The following PTPRD variants were observed in gnomAD, a reference collection of about 807,000 sequenced individuals.
The protein encoded by PTPRD is protein tyrosine phosphatase receptor type D, also known as receptor-type tyrosine-protein phosphatase delta.
In PTPRD, 34 loss-of-function variants were observed where a neutral mutation model predicts 214.5. That is an observed-to-expected ratio of 0.16 (90% CI 0.12 to 0.21). The LOEUF (loss-of-function observed/expected upper bound fraction) is 0.21, where lower values mean the gene tolerates loss of function less well. PTPRD is among the 10% of genes least tolerant of loss of function. PTPRD has a pLI of 1.00. For synonymous variants in PTPRD, 1,128 were observed against 845.7 expected, an observed-to-expected ratio of 1.33 and a Z score of -5.79; for missense variants, 2,545 against 2,398.7, an observed-to-expected ratio of 1.06 and a Z score of -1.27.
At chr9:10,583,594 C>T (rs1399097497) in intron 2 of PTPRD, among the ~76,000 whole-genome samples, 1 of 151,712 alleles carries the variant, frequency 6.6e-6, no homozygotes, top group Admixed American at 6.6e-5. Context: ...TGGGATACAG[C>T]AAGCCTCCTG....
intron 9 of PTPRD, among the ~76,000 whole-genome samples, chr9:9,333,504 T>TGTATATATATATATATATATA (rs1555249397): frequency 7.3e-6 from 1 of 137,248 alleles, no homozygotes; most frequent in African/African-American, 2.9e-5. Flanking sequence ...ATATAGTATA[T>TGTATATATATATATATATATA]TATATATATA....
At chr9:10,062,531 G>T (rs575876193) in intron 3 of PTPRD, among the ~76,000 whole-genome samples, 1 of 151,976 alleles carries the variant, frequency 6.6e-6, no homozygotes, top group South Asian at 2.1e-4. Context: ...ACTTAAACCC[G>T]CAAGGCAGAG....
At chr9:8,817,651 C>T (rs1022397635) in intron 11 of PTPRD, among the ~76,000 whole-genome samples, 3 of 151,944 alleles carry the variant, frequency 2.0e-5, no homozygotes, top group African/African-American at 7.2e-5. Context: ...TAAAATAAAA[C>T]AAAACAAAAC....
At chr9:10,390,269 C>G (rs1040404907) in intron 2 of PTPRD, among the ~76,000 whole-genome samples, 1 of 151,828 alleles carries the variant, frequency 6.6e-6, no homozygotes. Flanking sequence ...GTCTTAGACT[C>G]TGCCACACCC....
intron 3 of PTPRD, among the ~76,000 whole-genome samples, chr9:10,340,164 T>A (rs1391010324): frequency 6.6e-6 from 1 of 151,884 alleles, no homozygotes; most frequent in Non-Finnish European, 1.5e-5. Flanking sequence ...CATTCCACAT[T>A]ATCTGGACAA....
chr9:9,266,850 G>T (rs1555140569), intron 9 of PTPRD, among the ~76,000 whole-genome samples: 1 of 146,312 alleles, frequency 6.8e-6, no homozygotes, highest in South Asian at 2.1e-4. Context: ...CCTAAATGGA[G>T]AAAAAAAAAA....
intron 10 of PTPRD, among the ~76,000 whole-genome samples, chr9:9,138,968 C>T (rs546219019): frequency 6.6e-6 from 1 of 152,120 alleles, no homozygotes; most frequent in African/African-American, 2.4e-5. Flanking sequence ...TTACAGTAAT[C>T]TTCATTAAGG....
intron 2 of PTPRD, among the ~76,000 whole-genome samples, chr9:10,383,180 T>A (rs901767631): frequency 6.6e-6 from 1 of 151,914 alleles, no homozygotes; most frequent in Non-Finnish European, 1.5e-5. Context: ...TATTGGCTGT[T>A]AGGCATTATT....
intron 2 of PTPRD, among the ~76,000 whole-genome samples, chr9:10,495,751 AAC>A (rs2041859115): frequency 6.6e-6 from 1 of 151,862 alleles, no homozygotes; most frequent in Admixed American, 6.6e-5. Context: ...AATGCTAAGA[AAC>A]AACATGATTG....
chr9:9,198,590 T>G (rs753975073), intron 9 of PTPRD, among the ~76,000 whole-genome samples: 30 of 151,846 alleles, frequency 2.0e-4, no homozygotes, highest in Non-Finnish European at 3.5e-4. Flanking sequence ...TGACTTGGTT[T>G]GGAATTCCTG....
chr9:9,632,962 T>C (rs914218046), intron 7 of PTPRD, among the ~76,000 whole-genome samples: 6 of 151,968 alleles, frequency 3.9e-5, no homozygotes, highest in South Asian at 4.1e-4. Flanking sequence ...GGAAACATTA[T>C]AGCCAAATGG....
intron 2 of PTPRD, among the ~76,000 whole-genome samples, chr9:10,592,841 C>G (rs2075795772): frequency 6.6e-6 from 1 of 151,898 alleles, no homozygotes; most frequent in Admixed American, 6.6e-5. Context: ...ACTGACAGGA[C>G]AGAAACGGAA....
At chr9:8,875,262 A>T (rs1431963869) in intron 11 of PTPRD, among the ~76,000 whole-genome samples, 1 of 152,210 alleles carries the variant, frequency 6.6e-6, no homozygotes, top group Non-Finnish European at 1.5e-5. Flanking sequence ...GTGGTAGCCC[A>T]TGCCTATAAT....
At chr9:8,688,666 C>T (rs947970563) in intron 12 of PTPRD, among the ~76,000 whole-genome samples, 5 of 151,790 alleles carry the variant, frequency 3.3e-5, no homozygotes, top group East Asian at 1.9e-4. Flanking sequence ...TTAGTAAACA[C>T]GTATTCTTCA....
At chr9:8,599,298 G>C (rs985604951) in intron 14 of PTPRD, among the ~76,000 whole-genome samples, 4 of 152,056 alleles carry the variant, frequency 2.6e-5, no homozygotes, top group Admixed American at 2.0e-4. Flanking sequence ...GTCTTTATTA[G>C]CAGCGTGGGA....
intron 14 of PTPRD, among the ~76,000 whole-genome samples, chr9:8,577,271 T>C (rs1289605351): frequency 1.3e-5 from 2 of 152,028 alleles, no homozygotes; most frequent in Non-Finnish European, 2.9e-5. Context: ...TTATTTATTT[T>C]GAGATGGAGT....
At chr9:8,468,259 A>C (rs1226353541) in intron 31 of PTPRD, among the ~76,000 whole-genome samples, 2 of 151,990 alleles carry the variant, frequency 1.3e-5, no homozygotes, top group Admixed American at 6.6e-5. Context: ...TAAATGGTTC[A>C]AATGGGCTCA....
chr9:9,857,072 G>T (rs1051616113), intron 5 of PTPRD, among the ~76,000 whole-genome samples: 1 of 152,050 alleles, frequency 6.6e-6, no homozygotes, highest in African/African-American at 2.4e-5. Context: ...AGCTTTGTGC[G>T]GGCCCCGGGG....
chr9:9,484,686 A>G (rs755060308), intron 8 of PTPRD, among the ~76,000 whole-genome samples: 3 of 152,134 alleles, frequency 2.0e-5, no homozygotes, highest in Non-Finnish European at 4.4e-5. Context: ...CCATTTTTAG[A>G]TGAAAACTGA....
Sources: gnomAD v4.1 joint callset for allele counts (sites outside exome capture counted in the v4.1 genomes callset) on GRCh38, gnomAD v4.1.1 for gene constraint, MANE v1.5 for transcripts, NCBI Gene and HGNC (gene_info 2026-07-23, HGNC 2026-07-21) for gene names.